FABP6: variants seen among roughly 807,000 people sequenced by gnomAD.
FABP6 encodes gastrotropin.
FABP6 carries 13 observed loss-of-function variants against 14.9 expected under a neutral mutation model. The ratio of observed to expected loss-of-function variants is 0.87; its 90% CI spans 0.57 to 1.39. The LOEUF is 1.39. Among genes scored for constraint, FABP6 ranks in the 40% most tolerant of loss-of-function variants. The pLI is 0.00. For missense variants in FABP6, 161 were observed against 167.2 expected (o/e 0.96, Z 0.20); for synonymous variants, 75 against 63.6 (o/e 1.18, Z -0.85).
chr5:160,229,608 G>T lies in FABP6; in HGVS notation c.51G>T (p.Glu17Asp). ...FEMESEKNYD[E>D]FMKLLGISSD... ...TGGAGAGTGAGAAGAATTATGATGA[G>T]TTCATGAAGCTCCTTGGTGAGTGAG... Residue 17 changes from glutamate (E) to aspartate (D), a missense_variant, in exon 1 of 4, where the codon GAG becomes GAT. Glu to Asp is a conservative substitution (Grantham distance 45, BLOSUM62 2). Transcript: ENST00000402432. 4 of 1,613,904 alleles carry T rather than the reference G, an allele frequency of 2.5e-6. No individual in the cohort carries two copies. Among genetic ancestry groups the T allele is most frequent in the Non-Finnish European group, 3.4e-6 (4 of 1,179,888 alleles).
At chr5:160,204,602 G>A (rs936762522) in intron 2 of FABP6, 3 of 152,176 alleles carry the variant, frequency 2.0e-5, no homozygotes, top group African/African-American at 7.2e-5. Flanking sequence ...CAATTCTCCT[G>A]CCTCAGTCTC....
chr5:160,202,904 T>C (rs1323989152), intron 2 of FABP6, among the ~76,000 whole-genome samples: 1 of 151,824 alleles, frequency 6.6e-6, no homozygotes. Flanking sequence ...CCAGAGAAGC[T>C]GGGCTTTTTT....
At chr5:160,224,414 C>A (rs930133299) in intron 3 of FABP6, among the ~76,000 whole-genome samples, 9 of 151,930 alleles carry the variant, frequency 5.9e-5, no homozygotes, top group Admixed American at 2.0e-4. Flanking sequence ...CAGAGGGAGA[C>A]CCTGTCTCAA....
intron 1 of FABP6, among the ~76,000 whole-genome samples, chr5:160,194,110 C>A (rs867139447): frequency 6.6e-6 from 1 of 152,202 alleles, no homozygotes; most frequent in Non-Finnish European, 1.5e-5. Context: ...CTGGGGGACC[C>A]AGTACACCCT....
At chr5:160,202,962 C>G (rs1338220313) in intron 2 of FABP6, among the ~76,000 whole-genome samples, 1 of 150,898 alleles carries the variant, frequency 6.6e-6, no homozygotes, top group East Asian at 2.0e-4. Flanking sequence ...AGTGCAATGG[C>G]TTGATCTCAG....
chr5:160,228,500 G>A (rs1031776757), upstream of FABP6: 11 of 456,292 alleles, frequency 2.4e-5, no homozygotes, highest in Non-Finnish European at 4.4e-5. Context: ...TGGGTAGGCC[G>A]GAGTGATCAC....
chr5:160,220,839 G>A (rs1580915505), intron 3 of FABP6, among the ~76,000 whole-genome samples: 1 of 151,952 alleles, frequency 6.6e-6, no homozygotes, highest in South Asian at 2.1e-4. Flanking sequence ...TGTAATCCCA[G>A]CAGTTTGGGA....
rs1342236768 is a variant in FABP6, at chr5:160,223,370, C to T, written c.136-6176C>T. Among the ~76,000 whole-genome samples, 285 of 64,174 alleles carry T rather than the reference C, an allele frequency of 4.4e-3. 2 individuals carry two copies. The highest frequency in any genetic ancestry group is 0.021 in the African/African-American group (262 of 12,642). The allele number at this position is 64,174 out of a possible 152,430, so 42.1% of individuals were successfully genotyped here. On this transcript the variant is annotated intron_variant, in intron 3 of 6. Transcript: ENST00000393980. ...CCTTCCTTCCTTCCTTCTTTCCCTCCCTCCCTCCCTCCCTCTCTCCTTCCT... is the reference window on the plus strand; with the variant it reads ...CCTTCCTTCCTTCCTTCTTTCCCTCTCTCCCTCCCTCCCTCTCTCCTTCCT...
At chr5:160,193,253 C>T (rs1759435612) in intron 1 of FABP6, among the ~76,000 whole-genome samples, 1 of 151,978 alleles carries the variant, frequency 6.6e-6, no homozygotes, top group African/African-American at 2.4e-5. Flanking sequence ...AGTGTTGCGG[C>T]ACGTCTGGAG....
At chr5:160,204,080 A>G (rs1422096916) in intron 2 of FABP6, among the ~76,000 whole-genome samples, 1 of 150,548 alleles carries the variant, frequency 6.6e-6, no homozygotes, top group Non-Finnish European at 1.5e-5. Flanking sequence ...CAGAGGTTGC[A>G]GTGAGCCGAG....
At chr5:160,214,152 T>TTCTTTCA (rs1554113261) in intron 3 of FABP6, among the ~76,000 whole-genome samples, 1 of 128,890 alleles carries the variant, frequency 7.8e-6, no homozygotes, top group African/African-American at 3.0e-5. Context: ...TCTTTCTTTC[T>TTCTTTCA]TTCTTTCCTT....
chr5:160,233,212 C>T (rs987626514), intron 2 of FABP6, among the ~76,000 whole-genome samples: 2 of 151,954 alleles, frequency 1.3e-5, no homozygotes, highest in Non-Finnish European at 2.9e-5. Flanking sequence ...AAACTCCTGA[C>T]CTTGTGATCC....
In FABP6 at chr5:160,214,904, T is replaced by C. The variant is rs537326596; in HGVS notation, c.135+1085T>C. Among the ~76,000 whole-genome samples the C allele has an allele frequency of 6.8e-4, 103 of 152,294 alleles. 1 individual carries two copies. The highest frequency in any genetic ancestry group is 2.4e-3 in the African/African-American group (100 of 41,580). On this transcript the variant is annotated intron_variant, in intron 3 of 6. Coordinates refer to the FABP6 transcript ENST00000393980. ...ATAAAGGTTTTCCCTGTCTGGCAGA[T>C]ACTGTTCCTAGTGAGGTGGCTGCCC... is the stretch of plus-strand genomic sequence containing the variant.
rs539612804 is a variant in FABP6, at chr5:160,214,822, C to A, written c.135+1003C>A. 9.2e-5 allele frequency among the ~76,000 whole-genome samples: 14 copies of A among 151,962 alleles called. 1 individual carries two copies. In the South Asian group the frequency reaches 2.5e-3, roughly 27 times the overall value. The stretch of plus-strand genomic sequence containing the variant: ...AAAGAAAGAAAGAAAGAAATCCCAT[C>A]AACTCAACTCAAAAGTGGGTTGTGG... On this transcript the variant is annotated intron_variant, in intron 3 of 6. Coordinates refer to the FABP6 transcript ENST00000393980.
At chr5:160,191,476 A>AAAC in intron 1 of FABP6, among the ~76,000 whole-genome samples, 1 of 151,104 alleles carries the variant, frequency 6.6e-6, no homozygotes, top group East Asian at 2.0e-4. Context: ...TCAAACAAAC[A>AAAC]AACCCCAAAC....
chr5:160,214,145 TTCTTTCTTTC>T (rs1759962093), intron 3 of FABP6, among the ~76,000 whole-genome samples: 1 of 149,068 alleles, frequency 6.7e-6, no homozygotes, highest in Admixed American at 6.8e-5. Context: ...CTTTCTTTCT[TTCTTTCTTTC>T]TTTCCTTCTT....
At chr5:160,228,520 A>ATC (rs1003081470), upstream of FABP6, 16 of 456,176 alleles carry the variant, frequency 3.5e-5, no homozygotes, top group Non-Finnish European at 7.0e-5. Context: ...CGGAGGAGAT[A>ATC]GAGTCCCTGC....
At chr5:160,219,236 G>A (rs1052492718) in intron 3 of FABP6, among the ~76,000 whole-genome samples, 12 of 152,108 alleles carry the variant, frequency 7.9e-5, no homozygotes, top group African/African-American at 2.9e-4. Flanking sequence ...CCTCACCCAT[G>A]GACTCAAGAA....
rs59582403 is a variant in FABP6, at chr5:160,216,270, A to ATT, written c.135+2465_135+2466dup. Among the ~76,000 whole-genome samples the ATT allele has an allele frequency of 5.0e-3, 725 of 144,420 alleles. 7 individuals are homozygous for ATT. The highest frequency in any genetic ancestry group is 0.016 in the African/African-American group (615 of 39,376). The allele number at this position is 144,420 out of a possible 152,430, so 94.7% of individuals were successfully genotyped here. A position where few individuals can be genotyped will look rare whatever the true frequency, so the allele number is the denominator to read the frequency against. ...TATATGACTTACAGTTCTCATTGTA[A>ATT]TTTTTTTTTTTTTTTGAGACCAAGT... On this transcript the variant is annotated intron_variant, in intron 3 of 6. Coordinates refer to the FABP6 transcript ENST00000393980.
Sources: allele counts gnomAD v4.1 joint callset (sites outside exome capture counted in the v4.1 genomes callset), GRCh38; gene constraint gnomAD v4.1.1; transcripts MANE v1.5; gene names NCBI Gene and HGNC (gene_info 2026-07-23, HGNC 2026-07-21).